The following RYR2 variants were observed in gnomAD, a reference collection of about 807,000 sequenced individuals.
RYR2 encodes ryanodine receptor 2.
A neutral mutation model predicts 601.1 loss-of-function variants in RYR2; 227 were observed. The ratio of observed to expected loss-of-function variants is 0.38; its 90% CI spans 0.34 to 0.42. The LOEUF (loss-of-function observed/expected upper bound fraction) is 0.42, where lower values mean the gene tolerates loss of function less well. RYR2 is among the 10% of genes least tolerant of loss of function. The pLI, the probability that RYR2 is intolerant of heterozygous loss-of-function variation, is 1.00. For missense variants in RYR2, 4,646 were observed against 6,156.5 expected (o/e 0.75, Z 8.21); for synonymous variants, 2,223 against 2,175.1 (o/e 1.02, Z -0.61).
chr1:237,045,982 A>G (rs1660553622), intron 1 of RYR2, among the ~76,000 whole-genome samples: 2 of 147,118 alleles, frequency 1.4e-5, no homozygotes, highest in African/African-American at 2.5e-5. Context: ...ATTTACCCAT[A>G]GATTGAGACT....
intron 74 of RYR2, 121 bp from the exon 75 acceptor site, chr1:237,726,152 A>T: frequency 1.4e-6 from 1 of 714,596 alleles, no homozygotes; most frequent in Non-Finnish European, 2.4e-6. Context: ...AAACCACCGC[A>T]GTCCAAACAT....
At chr1:237,127,885 C>T (rs991799908) in intron 1 of RYR2, among the ~76,000 whole-genome samples, 2 of 151,528 alleles carry the variant, frequency 1.3e-5, no homozygotes, top group African/African-American at 4.9e-5. Flanking sequence ...GGCGGAGACG[C>T]TCCTCACTTT....
chr1:237,382,578 T>C (rs778913953), intron 8 of RYR2, among the ~76,000 whole-genome samples: 21 of 135,704 alleles, frequency 1.5e-4, no homozygotes, highest in Non-Finnish European at 2.6e-4. Context: ...TTCCTGTGTC[T>C]AAGTGTTCTC....
intron 2 of RYR2, among the ~76,000 whole-genome samples, chr1:237,307,265 GA>G (rs1312817409): frequency 3.3e-5 from 5 of 152,186 alleles, no homozygotes; most frequent in African/African-American, 1.2e-4. Flanking sequence ...GAGTGTAGGT[GA>G]TTTACTCCAG....
chr1:237,416,722 A>T (rs12724256), intron 10 of RYR2, among the ~76,000 whole-genome samples: 36,989 of 148,150 alleles, frequency 0.25, 4,868 homozygotes, highest in African/African-American at 0.35. Context: ...GGTGAAATCT[A>T]TTCACTGGGA....
chr1:237,184,241 G>A lies in RYR2; in HGVS notation c.49-86256G>A, dbSNP rs74343616. On this transcript the variant is annotated intron_variant, in intron 1 of 104. Transcript: ENST00000366574. ...CTGCAAAGAAGGATGTTGGTTCCCA[G>A]GAGCAGAGGACTGGGGCAGAAATGA... Among the ~76,000 whole-genome samples, 964 of 151,712 alleles carry A rather than the reference G, an allele frequency of 6.4e-3. 13 individuals carry two copies. The highest frequency in any genetic ancestry group is 0.022 in the African/African-American group (920 of 41,052).
chr1:237,485,514 TA>T (rs2150382816), intron 17 of RYR2, among the ~76,000 whole-genome samples: 1 of 152,324 alleles, frequency 6.6e-6, no homozygotes, highest in East Asian at 1.9e-4. Flanking sequence ...AGGGCATTGG[TA>T]AAGACTCACC....
At position 237,500,735 on chromosome 1, in the gene RYR2, CACCAAACCAACATCTG is replaced by C; in HGVS notation, c.2229_2244del (p.Pro744Ter). On this transcript the variant is annotated frameshift_variant, in exon 21 of 105. Transcript: ENST00000366574. LOFTEE classifies it high-confidence loss of function. ...GGTTGTATTGCTCGTACTGTAAGCT[CACCAAACCAACATCTG>C]TTAAGAACTGATGATGTCATCAGTT... 1 of 1,611,530 alleles carries C rather than the reference CACCAAACCAACATCTG, an allele frequency of 6.2e-7. No individual in the cohort carries two copies. Among genetic ancestry groups the C allele is most frequent in the Non-Finnish European group, 8.5e-7 (1 of 1,177,880 alleles).
intron 100 of RYR2, among the ~76,000 whole-genome samples, chr1:237,811,358 G>T (rs538521540): frequency 5.9e-5 from 9 of 152,226 alleles, no homozygotes; most frequent in Admixed American, 1.3e-4. Flanking sequence ...TTTGTGTAAA[G>T]AAGTTTTTCT....
intron 53 of RYR2, 107 bp downstream of exon 53, chr1:237,656,091 AT>A: frequency 1.1e-6 from 1 of 939,160 alleles, no homozygotes; most frequent in African/African-American, 1.7e-5. Flanking sequence ...CCCCCTTTGA[AT>A]TGGTATCCTT....
rs369108108 is a variant in RYR2 at position 237,504,295 on chromosome 1, C to T, written c.2613+790C>T. Among the ~76,000 whole-genome samples, 1,469 of 152,068 alleles carry T rather than the reference C, an allele frequency of 9.7e-3. 27 individuals are homozygous for T. Among genetic ancestry groups the T allele is most frequent in the African/African-American group, 0.031 (1,299 of 41,422 alleles). ...GCAAAGGGTGGTGGATTATCATTAG[C>T]TCTTATAGGTTTTGGGATAGGCAGT... On this transcript the variant is annotated intron_variant, in intron 22 of 104. Transcript: ENST00000366574.
intron 101 of RYR2, among the ~76,000 whole-genome samples, chr1:237,827,432 T>A (rs1487323648): frequency 6.6e-6 from 1 of 151,856 alleles, no homozygotes; most frequent in Non-Finnish European, 1.5e-5. Context: ...CCCAGGAGTT[T>A]GAGACCAGCC....
chr1:237,245,371 G>C (rs917721991), intron 1 of RYR2, among the ~76,000 whole-genome samples: 28 of 152,158 alleles, frequency 1.8e-4, no homozygotes, highest in African/African-American at 6.8e-4. Context: ...CCATTTCTAT[G>C]TAGGCTTCTA....
intron 61 of RYR2, among the ~76,000 whole-genome samples, chr1:237,678,724 T>C (rs1414473690): frequency 6.6e-6 from 1 of 152,206 alleles, no homozygotes; most frequent in Non-Finnish European, 1.5e-5. Flanking sequence ...AATGATTTAA[T>C]GCATTTACTT....
intron 2 of RYR2, among the ~76,000 whole-genome samples, chr1:237,295,277 A>G (rs961484884): frequency 3.6e-5 from 2 of 56,338 alleles, no homozygotes; most frequent in African/African-American, 1.7e-4. Flanking sequence ...CAGTGTTTGG[A>G]AAAAAAAAAA....
intron 10 of RYR2, among the ~76,000 whole-genome samples, chr1:237,409,735 C>T (rs1558770720): frequency 6.6e-6 from 1 of 152,066 alleles, no homozygotes; most frequent in Non-Finnish European, 1.5e-5. Flanking sequence ...TTTATTACTT[C>T]CCTGCATTGC....
In RYR2 at chr1:237,042,579, G is replaced by A; in HGVS notation, c.48+10G>A. ...CCAGTTCCTGCGAACTGTAAGCGCC[G>A]TGCGTCGCGTGTGCTGTCAGGGGAA... On this transcript the variant is annotated intron_variant, in intron 1 of 104. Transcript: ENST00000366574. 1 of 1,257,938 alleles carries A rather than the reference G, an allele frequency of 7.9e-7. No homozygotes were observed. Among genetic ancestry groups the A allele is most frequent in the Non-Finnish European group, 1.0e-6 (1 of 993,414 alleles). 77.9% of individuals were successfully genotyped at this position (1,257,938 alleles called of 1,614,324 possible). A position where few individuals can be genotyped will look rare whatever the true frequency, so the allele number is the denominator to read the frequency against.
chr1:237,803,373 C>G (rs866517890), intron 98 of RYR2, among the ~76,000 whole-genome samples: 7 of 151,686 alleles, frequency 4.6e-5, no homozygotes, highest in South Asian at 4.2e-4. Context: ...GCACACTCTC[C>G]GCTCACTGCA....
At chr1:237,720,924 A>T (rs1689668562) in intron 73 of RYR2, among the ~76,000 whole-genome samples, 1 of 152,232 alleles carries the variant, frequency 6.6e-6, no homozygotes, top group South Asian at 2.1e-4. Flanking sequence ...GGAAGAGAGC[A>T]AAAAAGGAAA....
Sources: gnomAD v4.1 joint callset for allele counts (sites outside exome capture counted in the v4.1 genomes callset) on GRCh38, gnomAD v4.1.1 for gene constraint, MANE v1.5 for transcripts, NCBI Gene and HGNC (gene_info 2026-07-23, HGNC 2026-07-21) for gene names.